KCNK12: variants seen among roughly 807,000 people sequenced by gnomAD.
KCNK12 encodes potassium channel subfamily K member 12.
A neutral mutation model predicts 25.3 loss-of-function variants in KCNK12; 6 were observed. The ratio of observed to expected loss-of-function variants is 0.24; its 90% CI spans 0.13 to 0.47. The LOEUF is 0.47. KCNK12 is among the 20% of genes least tolerant of loss of function. The pLI is 0.99. For missense variants in KCNK12, 444 were observed against 661.7 expected (o/e 0.67, Z 3.61); for synonymous variants, 331 against 311.1 (o/e 1.06, Z -0.67).
At position 47,569,643 on chromosome 2, in the gene KCNK12, G is replaced by A. The variant is rs1298665863; in HGVS notation, c.391+298C>T. 6.6e-6 allele frequency among the ~76,000 whole-genome samples: 1 copy of A among 152,152 alleles called. No homozygotes were observed. The highest frequency in any genetic ancestry group is 6.5e-5 in the Admixed American group (1 of 15,280). On this transcript the variant is annotated intron_variant, in intron 1 of 1. Transcript: ENST00000327876. This position sits in a 1 kb window ranked among gnomAD's most constrained non-coding sequence, Gnocchi z 4.1. ...GGAAGGAACCGGTAGCCCTTGGCACGTATTCTTAGAGGAGAAAACGGAGGC... is the reference window on the plus strand; with the variant it reads ...GGAAGGAACCGGTAGCCCTTGGCACATATTCTTAGAGGAGAAAACGGAGGC...
intron 1 of KCNK12, among the ~76,000 whole-genome samples, chr2:47,522,245 A>G (rs185102859): frequency 7.9e-5 from 12 of 152,334 alleles, no homozygotes; most frequent in Admixed American, 5.9e-4. Context: ...ACATTAATAT[A>G]CTAGTCTAGG....
intron 1 of KCNK12, among the ~76,000 whole-genome samples, chr2:47,532,972 C>G (rs1335800082): frequency 6.6e-6 from 1 of 152,154 alleles, no homozygotes; most frequent in African/African-American, 2.4e-5. Flanking sequence ...CTCGGACCCT[C>G]GCTTCTCCCT....
At chr2:47,523,342 T>A (rs775430608) in intron 1 of KCNK12, among the ~76,000 whole-genome samples, 5 of 152,172 alleles carry the variant, frequency 3.3e-5, no homozygotes, top group Non-Finnish European at 5.9e-5. Flanking sequence ...GGGTGCCGGC[T>A]CCTTCTCAAC....
At chr2:47,535,065 G>C (rs551821431) in intron 1 of KCNK12, 1 of 229,424 alleles carries the variant, frequency 4.4e-6, no homozygotes, top group African/African-American at 2.2e-5. Flanking sequence ...AGAGCCCTCG[G>C]GGACGACTCA....
chr2:47,521,018 G>A lies in KCNK12; in HGVS notation c.1182C>T (p.Asn394=), dbSNP rs1193034191. Residue 394 remains asparagine, a synonymous_variant, in exon 2 of 2, where the codon AAC becomes AAT. Coordinates refer to ENST00000327876, the MANE Select transcript of KCNK12 (RefSeq NM_022055.2). ...TGACGCACACGCTGCGCGGGTAGCC[G>A]TTGGCCGTCTCCGACAGCTGCTTCT... ...LLQKQLSETA[N]GYPRSVCVNT... 7.1e-7 allele frequency: 1 copy of A among 1,400,114 alleles called. No individual in the cohort carries two copies. The highest frequency in any genetic ancestry group is 1.5e-5 in the South Asian group (1 of 65,942). 86.7% of individuals were successfully genotyped at this position (1,400,114 alleles called of 1,614,324 possible). A position where few individuals can be genotyped will look rare whatever the true frequency, so the allele number is the denominator to read the frequency against.
Position 47,521,744 on chromosome 2 carries a change from G to T in KCNK12, c.456C>A (p.Phe152Leu). 6.4e-7 allele frequency: 1 copy of T among 1,571,936 alleles called. No homozygotes were observed. Among genetic ancestry groups the T allele is most frequent in the Non-Finnish European group, 8.6e-7 (1 of 1,164,646 alleles). Residue 152 changes from phenylalanine (F) to leucine (L), a missense_variant, in exon 2 of 2, where the codon TTC (phenylalanine) becomes TTA (leucine). Physicochemically the swap from Phe to Leu is conservative, Grantham distance 22. This residue lies in a region of KCNK12 where 44 missense variants were observed against 100.7 expected (regional missense o/e 0.44). Coordinates refer to ENST00000327876, the MANE Select transcript of KCNK12 (RefSeq NM_022055.2). Reference sequence around the variant, plus strand: ...AGAACAGGATGGTCCCAGCGCAGCCGAACAGCCCGTAGGCGATGAGGAAGG... The same window carrying T: ...AGAACAGGATGGTCCCAGCGCAGCCTAACAGCCCGTAGGCGATGAGGAAGG... The part of the protein sequence containing the change: ...GKAFLIAYGL[F>L]GCAGTILFFN...
chr2:47,551,908 G>A lies in KCNK12; in HGVS notation c.391+18033C>T, dbSNP rs1187409091. 6.6e-6 allele frequency among the ~76,000 whole-genome samples: 1 copy of A among 152,186 alleles called. No homozygotes were observed. The highest frequency in any genetic ancestry group is 1.5e-5 in the Non-Finnish European group (1 of 68,028). ...TACAAGGGAGTAGAGCCAGGGCCTT[G>A]TAGATACTGGCTCATTCAATCCTGC... On this transcript the variant is annotated intron_variant, in intron 1 of 1. Coordinates refer to ENST00000327876, the MANE Select transcript of KCNK12 (RefSeq NM_022055.2). The surrounding 1 kb of genome is among the most constrained non-coding windows in gnomAD (Gnocchi z 5.3).
chr2:47,533,463 A>T lies in KCNK12; in HGVS notation c.392-11655T>A, dbSNP rs908961291. Among the ~76,000 whole-genome samples the T allele has an allele frequency of 6.0e-4, 91 of 152,330 alleles. No homozygotes were observed. Among genetic ancestry groups the T allele is most frequent in the African/African-American group, 2.0e-3 (84 of 41,576 alleles). ...GAGGCATGGACCTTATTTCACAGCA[A>T]AGTGGCTCAGGTGAGGCAGGCAAGG... On this transcript the variant is annotated intron_variant, in intron 1 of 1. Transcript: ENST00000327876. The surrounding 1 kb of genome is among the most constrained non-coding windows in gnomAD (Gnocchi z 4.7).
At position 47,556,276 on chromosome 2, in the gene KCNK12, G is replaced by A. The variant is rs1160836859; in HGVS notation, c.391+13665C>T. Among the ~76,000 whole-genome samples the A allele has an allele frequency of 2.0e-5, 3 of 152,260 alleles. No individual in the cohort carries two copies. The highest frequency in any genetic ancestry group is 4.4e-5 in the Non-Finnish European group (3 of 68,058). ...GTTAGAGGAAGTGAGACCCAGTGAA[G>A]CTGGCATTTGTAAGTGGGCACTTCA... On this transcript the variant is annotated intron_variant, in intron 1 of 1. Coordinates refer to ENST00000327876, the MANE Select transcript of KCNK12 (RefSeq NM_022055.2). This position sits in a 1 kb window ranked among gnomAD's most constrained non-coding sequence, Gnocchi z 4.8.
intron 1 of KCNK12, among the ~76,000 whole-genome samples, chr2:47,536,195 G>C (rs1347514913): frequency 1.3e-5 from 2 of 152,200 alleles, no homozygotes; most frequent in Non-Finnish European, 2.9e-5. Flanking sequence ...TTCAAGGTCA[G>C]GAATGACTTA....
intron 1 of KCNK12, among the ~76,000 whole-genome samples, chr2:47,568,133 G>A (rs1065650): frequency 0.67 from 102,533 of 151,958 alleles, 34,799 homozygotes; most frequent in East Asian, 0.79. Flanking sequence ...TTAGGAAGCC[G>A]GAACATGTCA....
chr2:47,537,074 C>G (rs1669088306), intron 1 of KCNK12, among the ~76,000 whole-genome samples: 1 of 152,218 alleles, frequency 6.6e-6, no homozygotes, highest in East Asian at 1.9e-4. Flanking sequence ...TGCTTATGCT[C>G]CATGGCAGAT....
Position 47,511,796 on chromosome 2 carries a change from C to G in KCNK12, c.*9111G>C, listed in dbSNP as rs919476512. ...CATTAGAGCAGCCCTGCGTTGTAGACTTTTCTGCAGTGACAGAAATGTTCT... is the reference window on the plus strand; with the variant it reads ...CATTAGAGCAGCCCTGCGTTGTAGAGTTTTCTGCAGTGACAGAAATGTTCT... On this transcript the variant is annotated 3_prime_UTR_variant, in exon 2 of 2. Transcript: ENST00000327876. The surrounding 1 kb of genome is among the most constrained non-coding windows in gnomAD (Gnocchi z 4.3). 6.6e-6 allele frequency among the ~76,000 whole-genome samples: 1 copy of G among 152,210 alleles called. No homozygotes were observed. The highest frequency in any genetic ancestry group is 2.4e-5 in the African/African-American group (1 of 41,454).
intron 1 of KCNK12, chr2:47,543,415 G>A (rs1669245299): frequency 6.6e-6 from 1 of 152,120 alleles, no homozygotes; most frequent in Non-Finnish European, 1.5e-5. Flanking sequence ...TCGGTTTTTA[G>A]ATGCACAATC....
Position 47,570,658 on chromosome 2 carries a change from T to A in KCNK12, c.-327A>T. The A allele has an allele frequency of 2.4e-5, 4 of 166,374 alleles. No homozygotes were observed. Among genetic ancestry groups the A allele is most frequent in the Non-Finnish European group, 5.1e-5 (4 of 77,734 alleles). 10.3% of individuals were successfully genotyped at this position (166,374 alleles called of 1,614,324 possible). A position where few individuals can be genotyped will look rare whatever the true frequency, so the allele number is the denominator to read the frequency against. On this transcript the variant is annotated 5_prime_UTR_variant, in exon 1 of 2. Coordinates refer to ENST00000327876, the MANE Select transcript of KCNK12 (RefSeq NM_022055.2). ...GCGCGGGGCTCCGCAGCTAGGCCCC[T>A]GCCGCCCGGTGGCCGGCGTCCGCGG...
At chr2:47,535,767 A>C (rs1158211670) in intron 1 of KCNK12, among the ~76,000 whole-genome samples, 1 of 152,040 alleles carries the variant, frequency 6.6e-6, no homozygotes, top group Non-Finnish European at 1.5e-5. Context: ...CAGAGAATGC[A>C]ACTGTGATTT....
At chr2:47,563,324 C>T (rs1354236985) in intron 1 of KCNK12, 1 of 233,382 alleles carries the variant, frequency 4.3e-6, no homozygotes, top group Non-Finnish European at 8.5e-6. Flanking sequence ...GTACTGGATT[C>T]TCTACTTGTC....
intron 1 of KCNK12, among the ~76,000 whole-genome samples, chr2:47,532,773 G>C (rs996900909): frequency 6.6e-5 from 10 of 152,156 alleles, no homozygotes; most frequent in East Asian, 1.9e-4. Context: ...ATTGTGCCCT[G>C]CTCTGTAGAA....
At chr2:47,552,951 T>C (rs1663405267) in intron 1 of KCNK12, among the ~76,000 whole-genome samples, 1 of 152,192 alleles carries the variant, frequency 6.6e-6, no homozygotes, top group South Asian at 2.1e-4. Context: ...CTTTGGCTCC[T>C]GAAAATATCT....
Sources: allele counts gnomAD v4.1 joint callset (sites outside exome capture counted in the v4.1 genomes callset), GRCh38; gene constraint gnomAD v4.1.1; regional missense constraint gnomAD v4.1.1; non-coding constraint Gnocchi (gnomAD v3.1); transcripts MANE v1.5; gene names NCBI Gene and HGNC (gene_info 2026-07-23, HGNC 2026-07-21).